Variants in MRPL48 observed in about 807,000 individuals in gnomAD.
MRPL48 encodes mitochondrial ribosomal protein L48.
MRPL48 carries 16 observed loss-of-function variants against 32.9 expected under a neutral mutation model. That is an observed-to-expected ratio of 0.49 (90% confidence interval 0.33 to 0.74). MRPL48 has a LOEUF of 0.74. Ranked by LOEUF, MRPL48 falls within the 30% of genes least tolerant of loss-of-function variation. The pLI is 0.02. For synonymous variants in MRPL48, 94 were observed against 89.2 expected (o/e 1.05, Z -0.31); for missense variants, 206 against 245.3 (o/e 0.84, Z 1.07).
chr11:73,805,049 C>A lies in MRPL48; in HGVS notation c.44C>A (p.Thr15Asn). Residue 15 changes from threonine to asparagine, a missense_variant, in exon 2 of 8, where the codon ACC becomes AAC. Thr to Asn is a moderately conservative substitution (Grantham distance 65). Coordinates refer to ENST00000310614, the MANE Select transcript of MRPL48 (RefSeq NM_016055.6). ...LEKVLCLRNN[T>N]IFKQAFSLLR... Reference sequence around the variant, plus strand: ...TAGGTGCTGTGCCTGAGGAACAATACCATTTTTAAGCAAGCCTTTTCTCTC... The same window carrying A: ...TAGGTGCTGTGCCTGAGGAACAATAACATTTTTAAGCAAGCCTTTTCTCTC... The A allele has an allele frequency of 6.3e-7, 1 of 1,589,178 alleles. No individual in the cohort carries two copies. Among genetic ancestry groups the A allele is most frequent in the Non-Finnish European group, 8.6e-7 (1 of 1,166,710 alleles).
intron 2 of MRPL48, among the ~76,000 whole-genome samples, 158 bp downstream of exon 2, chr11:73,805,237 CTCCAT>C (rs963591091): frequency 5.9e-5 from 9 of 151,556 alleles, no homozygotes; most frequent in Non-Finnish European, 1.3e-4. Context: ...TTAATAGCAT[CTCCAT>C]TCATCTAGTT....
At chr11:73,802,162 C>T (rs1387567214) in intron 1 of MRPL48, 1 of 152,228 alleles carries the variant, frequency 6.6e-6, no homozygotes, top group East Asian at 1.9e-4. Flanking sequence ...CCATCTCCCC[C>T]TGGATTTCCT....
At chr11:73,811,528 G>A (rs574271617) in intron 3 of MRPL48, among the ~76,000 whole-genome samples, 30 of 152,176 alleles carry the variant, frequency 2.0e-4, no homozygotes, top group African/African-American at 7.2e-4. Context: ...AGAGTAATAT[G>A]TCAAATAAAC....
At position 73,808,923 on chromosome 11, in the gene MRPL48, C is replaced by CA. The variant is rs879556778; in HGVS notation, c.112+587dup. ...GGGGGACAAGAGCGAGACTTCATCT[C>CA]AAAAAAAAAAAAAATAATGAGAAGG... On this transcript the variant is annotated intron_variant, in intron 3 of 7. Transcript: ENST00000310614. Among the ~76,000 whole-genome samples the CA allele has an allele frequency of 8.0e-3, 1,017 of 126,596 alleles. 7 individuals are homozygous for CA. The highest frequency in any genetic ancestry group is 0.024 in the African/African-American group (857 of 35,134). 83.1% of individuals were successfully genotyped at this position (126,596 alleles called of 152,430 possible).
At chr11:73,844,216 G>T (rs956300806) in intron 4 of MRPL48, among the ~76,000 whole-genome samples, 2 of 152,040 alleles carry the variant, frequency 1.3e-5, no homozygotes, top group East Asian at 3.9e-4. Context: ...GATTGCCTGA[G>T]CTCAGGAGTT....
intron 3 of MRPL48, among the ~76,000 whole-genome samples, chr11:73,810,598 T>C (rs1308996228): frequency 6.6e-6 from 1 of 151,866 alleles, no homozygotes; most frequent in African/African-American, 2.4e-5. Context: ...CTGGGTTACA[T>C]GTGCAGAACG....
chr11:73,864,522 G>A lies in MRPL48; in HGVS notation c.*152G>A, dbSNP rs1487925055. On this transcript the variant is annotated 3_prime_UTR_variant, in exon 8 of 8. Transcript: ENST00000310614. ...TAATGTCCTCACTCCTCTGTGGCTT[G>A]GCTGTACTTGCCATTTCTTACCACT... 3 of 696,446 alleles carry A rather than the reference G, an allele frequency of 4.3e-6. No individual in the cohort carries two copies. Among genetic ancestry groups the A allele is most frequent in the Non-Finnish European group, 7.3e-6 (3 of 411,174 alleles). The allele number at this position is 696,446 out of a possible 1,614,324, so 43.1% of individuals were successfully genotyped here.
intron 1 of MRPL48, among the ~76,000 whole-genome samples, chr11:73,802,769 G>A (rs188135895): frequency 7.3e-4 from 110 of 151,636 alleles, no homozygotes; most frequent in Middle Eastern, 3.4e-3. Context: ...GCACAGTCAC[G>A]GCTTATTGCA....
intron 3 of MRPL48, chr11:73,817,804 T>C (rs538411852): frequency 4.9e-6 from 2 of 406,112 alleles, no homozygotes; most frequent in East Asian, 1.7e-4. Context: ...TTGTTGTTGT[T>C]GTTGTTTTTG....
At position 73,864,859 on chromosome 11, in the gene MRPL48, T is replaced by A. The variant is rs945215710; in HGVS notation, c.*489T>A. ...CAGGCTGGAGTGCAGTGGCACGATC[T>A]AGACTCACTGCAAGCTCTGCCTCCC... On this transcript the variant is annotated 3_prime_UTR_variant, in exon 8 of 8. Transcript: ENST00000310614. 6.4e-6 allele frequency: 1 copy of A among 156,554 alleles called. No individual in the cohort carries two copies. Among genetic ancestry groups the A allele is most frequent in the Admixed American group, 6.2e-5 (1 of 16,014 alleles). 9.7% of individuals were successfully genotyped at this position (156,554 alleles called of 1,614,324 possible). A position where few individuals can be genotyped will look rare whatever the true frequency, so the allele number is the denominator to read the frequency against.
rs749259766 is a variant in MRPL48, at chr11:73,846,067, CAAAAAAAA to C, written c.371+1107_371+1114del. On this transcript the variant is annotated intron_variant, in intron 5 of 7. Coordinates refer to ENST00000310614, the MANE Select transcript of MRPL48 (RefSeq NM_016055.6). ...TGGGCAACAGAGCAAGACCCTGTCT[CAAAAAAAA>C]AAAAAAAAAAAAAAAGATTAAAAAA... Among the ~76,000 whole-genome samples, 5 of 57,834 alleles carry C rather than the reference CAAAAAAAA, an allele frequency of 8.6e-5. No individual in the cohort carries two copies. In the Admixed American group the frequency reaches 1.1e-3, roughly 12 times the overall value. The allele number at this position is 57,834 out of a possible 152,430, so 37.9% of individuals were successfully genotyped here. A position where few individuals can be genotyped will look rare whatever the true frequency, so the allele number is the denominator to read the frequency against.
At chr11:73,818,188 C>T (rs1947710528) in intron 3 of MRPL48, among the ~76,000 whole-genome samples, 1 of 151,772 alleles carries the variant, frequency 6.6e-6, no homozygotes, top group African/African-American at 2.4e-5. Context: ...GAAAGTGCCC[C>T]ATTCCTGCCT....
intron 3 of MRPL48, among the ~76,000 whole-genome samples, chr11:73,820,973 G>A (rs1336693587): frequency 6.6e-6 from 1 of 151,916 alleles, no homozygotes; most frequent in Non-Finnish European, 1.5e-5. Flanking sequence ...TGTGCTTTTT[G>A]TTTTCATCAC....
chr11:73,844,240 G>C (rs995992246), intron 4 of MRPL48, among the ~76,000 whole-genome samples: 1 of 151,890 alleles, frequency 6.6e-6, no homozygotes, highest in African/African-American at 2.4e-5. Flanking sequence ...GACTGCCCTG[G>C]GCAGCATGGT....
chr11:73,838,823 T>A (rs907308925), intron 4 of MRPL48, among the ~76,000 whole-genome samples: 2 of 152,072 alleles, frequency 1.3e-5, no homozygotes, highest in Admixed American at 6.6e-5. Flanking sequence ...GATCAGGAGG[T>A]CTGGATTTTA....
intron 3 of MRPL48, among the ~76,000 whole-genome samples, chr11:73,808,749 C>G (rs964497084): frequency 6.6e-6 from 1 of 152,030 alleles, no homozygotes; most frequent in African/African-American, 2.4e-5. Flanking sequence ...TGGTGAAACC[C>G]TGTCTCTACT....
chr11:73,818,231 A>C (rs1375932209), intron 3 of MRPL48, among the ~76,000 whole-genome samples: 3 of 152,150 alleles, frequency 2.0e-5, no homozygotes, highest in African/African-American at 7.2e-5. Flanking sequence ...GGCTCTGGGG[A>C]CCATTCCAGC....
At chr11:73,825,284 A>ATATATG (rs146232365) in intron 3 of MRPL48, among the ~76,000 whole-genome samples, 6 of 139,824 alleles carry the variant, frequency 4.3e-5, no homozygotes, top group African/African-American at 1.1e-4. Context: ...TTTTTTATAT[A>ATATATG]TGTGTGTGTG....
chr11:73,857,141 T>C (rs1948495017), intron 5 of MRPL48, among the ~76,000 whole-genome samples: 1 of 152,064 alleles, frequency 6.6e-6, no homozygotes, highest in Non-Finnish European at 1.5e-5. Context: ...ATAGACCTTT[T>C]TTTTTTTGAG....
Sources: allele counts gnomAD v4.1 joint callset (sites outside exome capture counted in the v4.1 genomes callset), GRCh38; gene constraint gnomAD v4.1.1; transcripts MANE v1.5; gene names NCBI Gene and HGNC (gene_info 2026-07-23, HGNC 2026-07-21).